ROBO1: variants seen among roughly 807,000 people sequenced by gnomAD.
The protein encoded by ROBO1 is roundabout guidance receptor 1.
Under a neutral mutation model 195.9 loss-of-function variants are expected in ROBO1, and 149 were observed. The ratio of observed to expected loss-of-function variants is 0.76; its 90% confidence interval spans 0.67 to 0.87. The LOEUF (loss-of-function observed/expected upper bound fraction) is 0.87. Among genes scored for constraint, ROBO1 ranks in the 40% least tolerant of loss-of-function variants. ROBO1 has a pLI of 0.00. For missense variants in ROBO1, 1,933 were observed against 2,068.3 expected, an observed-to-expected ratio of 0.93 and a Z score of 1.27; for synonymous variants, 816 against 733.2, an observed-to-expected ratio of 1.11 and a Z score of -1.82.
chr3:79,606,909 T>C (rs951573755), intron 1 of ROBO1, among the ~76,000 whole-genome samples: 4 of 152,034 alleles, frequency 2.6e-5, no homozygotes, highest in Non-Finnish European at 5.9e-5. Context: ...GTACTTTATT[T>C]AGCAGGACCA....
chr3:79,445,318 A>G (rs1364548196), intron 2 of ROBO1, among the ~76,000 whole-genome samples: 2 of 151,864 alleles, frequency 1.3e-5, no homozygotes, highest in African/African-American at 4.8e-5. Context: ...CTGAACATTT[A>G]AAGTTTTTAC....
intron 1 of ROBO1, among the ~76,000 whole-genome samples, chr3:79,765,534 G>A (rs1704938721): frequency 6.6e-6 from 1 of 152,184 alleles, no homozygotes; most frequent in Non-Finnish European, 1.5e-5. Context: ...TAGTAGAGAA[G>A]CAGGTTTTAA....
intron 4 of ROBO1, among the ~76,000 whole-genome samples, chr3:78,926,115 C>T (rs967299082): frequency 5.3e-5 from 8 of 151,996 alleles, no homozygotes; most frequent in Non-Finnish European, 1.2e-4. Flanking sequence ...ATGATCCACC[C>T]GCCTCAGCCT....
At chr3:79,746,922 T>C (rs1703902793) in intron 1 of ROBO1, among the ~76,000 whole-genome samples, 1 of 152,096 alleles carries the variant, frequency 6.6e-6, no homozygotes, top group East Asian at 1.9e-4. Flanking sequence ...TATCATTTTC[T>C]TTGTAAAAAA....
chr3:78,928,484 C>A (rs980208946), intron 4 of ROBO1, among the ~76,000 whole-genome samples: 19 of 152,048 alleles, frequency 1.2e-4, no homozygotes, highest in African/African-American at 4.6e-4. Flanking sequence ...AAGAAATTGA[C>A]CTTATTGTCT....
At chr3:79,313,754 C>T (rs1036195140) in intron 2 of ROBO1, among the ~76,000 whole-genome samples, 1 of 152,274 alleles carries the variant, frequency 6.6e-6, no homozygotes, top group Middle Eastern at 3.4e-3. Flanking sequence ...TGAGAAAACT[C>T]ATGTCACCTG....
chr3:79,181,910 A>T (rs1298872574), intron 2 of ROBO1, among the ~76,000 whole-genome samples: 1 of 146,572 alleles, frequency 6.8e-6, no homozygotes, highest in Non-Finnish European at 1.5e-5. Context: ...TGGGAGAAAG[A>T]GCGAGATCTT....
chr3:79,600,753 C>T (rs908684246), intron 1 of ROBO1, among the ~76,000 whole-genome samples: 1 of 151,776 alleles, frequency 6.6e-6, no homozygotes, highest in Non-Finnish European at 1.5e-5. Flanking sequence ...TCAATAAATA[C>T]TAATGTCTGA....
intron 2 of ROBO1, among the ~76,000 whole-genome samples, chr3:79,389,052 T>C (rs962840318): frequency 1.3e-5 from 2 of 152,044 alleles, no homozygotes; most frequent in African/African-American, 4.8e-5. Context: ...ATTAATTATA[T>C]ATTTAGTATG....
At chr3:79,085,293 CT>C (rs780899642) in intron 3 of ROBO1, among the ~76,000 whole-genome samples, 2 of 152,154 alleles carry the variant, frequency 1.3e-5, no homozygotes, top group African/African-American at 2.4e-5. Context: ...ATTCTGGACA[CT>C]TCTGTTTAAG....
intron 2 of ROBO1, among the ~76,000 whole-genome samples, chr3:79,288,864 T>C (rs1419149275): frequency 1.3e-5 from 2 of 152,142 alleles, no homozygotes; most frequent in Admixed American, 6.5e-5. Context: ...ATAATGTGTG[T>C]TATTTTTCTC....
At chr3:78,847,692 T>C (rs966370325) in intron 4 of ROBO1, among the ~76,000 whole-genome samples, 3 of 152,268 alleles carry the variant, frequency 2.0e-5, no homozygotes, top group Non-Finnish European at 2.9e-5. Context: ...TTATTATACC[T>C]ATTATTACGA....
intron 1 of ROBO1, among the ~76,000 whole-genome samples, chr3:79,668,104 GT>G (rs1173243281): frequency 6.6e-6 from 1 of 151,726 alleles, no homozygotes; most frequent in Non-Finnish European, 1.5e-5. Flanking sequence ...GACAAAGTCT[GT>G]TTTTAAAAAT....
At chr3:79,359,497 C>A (rs1181934754) in intron 2 of ROBO1, among the ~76,000 whole-genome samples, 1 of 151,990 alleles carries the variant, frequency 6.6e-6, no homozygotes, top group Non-Finnish European at 1.5e-5. Flanking sequence ...ATAATTGCTT[C>A]TAAAAACATT....
chr3:79,416,990 C>A (rs1441205244), intron 2 of ROBO1, among the ~76,000 whole-genome samples: 1 of 152,070 alleles, frequency 6.6e-6, no homozygotes, highest in Non-Finnish European at 1.5e-5. Flanking sequence ...CAAACTCTGA[C>A]GTTTGAGAGG....
intron 1 of ROBO1, among the ~76,000 whole-genome samples, chr3:79,740,096 C>T (rs911053768): frequency 5.3e-5 from 8 of 150,534 alleles, no homozygotes; most frequent in Non-Finnish European, 5.9e-5. Flanking sequence ...TAATAATTTA[C>T]ATTTAATTCC....
chr3:79,474,667 A>C (rs1323607432), intron 2 of ROBO1, among the ~76,000 whole-genome samples: 1 of 152,114 alleles, frequency 6.6e-6, no homozygotes, highest in East Asian at 1.9e-4. Flanking sequence ...TAGATTTAGG[A>C]AATTATTTTT....
intron 2 of ROBO1, among the ~76,000 whole-genome samples, chr3:79,319,003 A>G (rs2033861160): frequency 6.6e-6 from 1 of 152,202 alleles, no homozygotes; most frequent in African/African-American, 2.4e-5. Flanking sequence ...TAAAAAGTAC[A>G]AGTGCAGTTT....
chr3:79,190,798 C>G (rs541522114), intron 2 of ROBO1, among the ~76,000 whole-genome samples: 1 of 151,678 alleles, frequency 6.6e-6, no homozygotes, highest in Admixed American at 6.6e-5. Context: ...CACAAACCAT[C>G]TCATGCGGAT....
Sources: allele counts gnomAD v4.1 joint callset (sites outside exome capture counted in the v4.1 genomes callset), GRCh38; gene constraint gnomAD v4.1.1; transcripts MANE v1.5; gene names NCBI Gene and HGNC (gene_info 2026-07-23, HGNC 2026-07-21).